The following RLIG1 variants were observed in gnomAD, a reference collection of about 807,000 sequenced individuals.
RLIG1 encodes the protein RNA 5'-phosphate and 3'-OH ligase 1.
the RLIG1 span, among the ~76,000 whole-genome samples, chr12:88,047,486 A>C: frequency 6.6e-6 from 1 of 152,118 alleles, no homozygotes; most frequent in Non-Finnish European, 1.5e-5. Flanking sequence ...CACTGAAGTA[A>C]AAACTTGGAT....
At chr12:88,038,033 CAAAGG>C in the RLIG1 span, among the ~76,000 whole-genome samples, 3 of 151,884 alleles carry the variant, frequency 2.0e-5, no homozygotes, top group Non-Finnish European at 2.9e-5. Context: ...CAAACAAACT[CAAAGG>C]AAAAACAAAA....
the RLIG1 span, chr12:88,040,261 TA>T: frequency 1.3e-6 from 2 of 1,500,742 alleles, no homozygotes; most frequent in Non-Finnish European, 1.8e-6. Context: ...TTACTACCTA[TA>T]AAGGTAAAAT....
At chr12:88,040,677 T>G in the RLIG1 span, among the ~76,000 whole-genome samples, 1 of 152,212 alleles carries the variant, frequency 6.6e-6, no homozygotes, top group African/African-American at 2.4e-5. Flanking sequence ...CTGCACTGAT[T>G]CCAGGGGCTT....
At chr12:88,048,105 T>TAA in the RLIG1 span, 318 of 439,786 alleles carry the variant, frequency 7.2e-4, no homozygotes, top group South Asian at 1.6e-3. Context: ...AGACCAGCTA[T>TAA]AAAAAAAAAA....
chr12:88,050,078 T>C, the RLIG1 span: 1 of 252,020 alleles, frequency 4.0e-6, no homozygotes, highest in Non-Finnish European at 7.4e-6. Context: ...AAAGACACTG[T>C]TGCCAATGTG....
At chr12:88,040,079 G>C in the RLIG1 span, 1 of 784,148 alleles carries the variant, frequency 1.3e-6, no homozygotes, top group African/African-American at 1.8e-5. Flanking sequence ...GAAGATTTCA[G>C]GTGAGCATGT....
At chr12:88,040,334 A>T in the RLIG1 span, 4 of 910,786 alleles carry the variant, frequency 4.4e-6, no homozygotes, top group African/African-American at 6.9e-5. Flanking sequence ...AGTCTATCTG[A>T]AATGAGGCAT....
chr12:88,046,118 A>G, the RLIG1 span, among the ~76,000 whole-genome samples: 1 of 152,130 alleles, frequency 6.6e-6, no homozygotes, highest in African/African-American at 2.4e-5. Context: ...TATAGCATCA[A>G]TTTAAATAGC....
the RLIG1 span, chr12:88,046,879 C>T: frequency 6.2e-7 from 1 of 1,613,054 alleles, no homozygotes; most frequent in Non-Finnish European, 8.5e-7. Flanking sequence ...AATCTACCTT[C>T]ATTGAAGCAC....
the RLIG1 span, chr12:88,043,822 G>A: frequency 2.7e-6 from 2 of 740,602 alleles, no homozygotes; most frequent in Non-Finnish European, 4.5e-6. Context: ...TCATTAATAT[G>A]TATAGCACAG....
At chr12:88,042,921 G>A in the RLIG1 span, 1 of 1,539,038 alleles carries the variant, frequency 6.5e-7, no homozygotes, top group Non-Finnish European at 8.7e-7. Flanking sequence ...AACCCAAAAG[G>A]TTAGTTTTTT....
the RLIG1 span, chr12:88,048,331 C>G: frequency 3.1e-6 from 5 of 1,606,362 alleles, no homozygotes; most frequent in Admixed American, 1.7e-5. Flanking sequence ...AAATGTGACT[C>G]TGCCTTTGAT....
At chr12:88,046,761 A>G in the RLIG1 span, 1 of 1,525,358 alleles carries the variant, frequency 6.6e-7, no homozygotes, top group Non-Finnish European at 8.9e-7. Context: ...CTAGTTCTGA[A>G]AGTTCCTTTA....
At chr12:88,035,565 G>T in the RLIG1 span, 9 of 1,396,952 alleles carry the variant, frequency 6.4e-6, no homozygotes, top group East Asian at 2.5e-5. Flanking sequence ...AGCCGTGCGG[G>T]TGACTGCTTC....
At chr12:88,043,011 G>A in the RLIG1 span, 2 of 615,626 alleles carry the variant, frequency 3.2e-6, no homozygotes, top group East Asian at 3.4e-5. Flanking sequence ...ATCCTTCTGT[G>A]TAATTTAAGC....
chr12:88,046,058 AAATTC>A, the RLIG1 span, among the ~76,000 whole-genome samples: 3 of 152,164 alleles, frequency 2.0e-5, no homozygotes, highest in African/African-American at 7.2e-5. Flanking sequence ...TTGCTTTTAA[AAATTC>A]AGGTGAGTTG....
At chr12:88,040,539 C>T in the RLIG1 span, among the ~76,000 whole-genome samples, 2 of 152,106 alleles carry the variant, frequency 1.3e-5, no homozygotes, top group Non-Finnish European at 2.9e-5. Flanking sequence ...TACAAGTAGC[C>T]TCTCCATTTC....
At chr12:88,048,404 T>TATA in the RLIG1 span, 20 of 1,473,402 alleles carry the variant, frequency 1.4e-5, no homozygotes, top group African/African-American at 1.4e-4. Context: ...GACTCAAAGA[T>TATA]ATAATATTTG....
At chr12:88,043,464 G>A in the RLIG1 span, 3 of 594,340 alleles carry the variant, frequency 5.0e-6, no homozygotes, top group South Asian at 6.9e-5. Flanking sequence ...ATGTTGTGGT[G>A]ATAATGAATG....
Sources: allele counts gnomAD v4.1 joint callset (sites outside exome capture counted in the v4.1 genomes callset), GRCh38; gene constraint gnomAD v4.1.1; transcripts MANE v1.5; gene names NCBI Gene and HGNC (gene_info 2026-07-23, HGNC 2026-07-21).